RAD54B: variants seen among roughly 807,000 people sequenced by gnomAD.
The protein encoded by RAD54B is RAD54 homolog B.
Under a neutral mutation model 95.8 loss-of-function variants are expected in RAD54B, and 78 were observed. The observed-to-expected ratio is 0.81, with a 90% confidence interval of 0.68 to 0.98. RAD54B has a LOEUF of 0.98. RAD54B is among the 50% of genes least tolerant of loss of function. The pLI is 0.00. For synonymous variants in RAD54B, 328 were observed against 354.9 expected (o/e 0.92, Z 0.85); for missense variants, 957 against 1,056.6 (o/e 0.91, Z 1.31).
intron 3 of RAD54B, among the ~76,000 whole-genome samples, chr8:94,445,363 C>T (rs1812497165): frequency 6.6e-6 from 1 of 152,134 alleles, no homozygotes; most frequent in South Asian, 2.1e-4. Context: ...AACATTCAAA[C>T]CACAGCACCA....
chr8:94,403,956 A>T, intron 6 of RAD54B, 121 bp downstream of exon 6: 1 of 801,572 alleles, frequency 1.2e-6, no homozygotes, highest in Non-Finnish European at 1.8e-6. Context: ...CTTTCCTACC[A>T]ATTGAAATTC....
At chr8:94,380,081 T>C in intron 12 of RAD54B, 64 bp downstream of exon 12, 2 of 1,476,344 alleles carry the variant, frequency 1.4e-6, no homozygotes, top group Non-Finnish European at 1.8e-6. Flanking sequence ...TATCTTTGTA[T>C]CCTCAATAGG....
intron 3 of RAD54B, among the ~76,000 whole-genome samples, chr8:94,425,833 G>A (rs1011249): frequency 0.39 from 58,780 of 149,778 alleles, 11,654 homozygotes; most frequent in Admixed American, 0.5. Flanking sequence ...AAAAAAACCA[G>A]TAAACTACAA....
intron 3 of RAD54B, among the ~76,000 whole-genome samples, chr8:94,432,842 A>G (rs886242845): frequency 2.0e-5 from 3 of 152,162 alleles, no homozygotes; most frequent in African/African-American, 7.2e-5. Flanking sequence ...TCAATAATAC[A>G]TACTCACAGA....
intron 3 of RAD54B, 84 bp downstream of exon 3, chr8:94,458,179 TATAAC>T (rs1812819495): frequency 2.4e-6 from 3 of 1,249,990 alleles, no homozygotes; most frequent in East Asian, 2.6e-5. Flanking sequence ...AATTTTCTAA[TATAAC>T]ATATTCATTC....
At chr8:94,427,108 GA>G (rs1218226048) in intron 3 of RAD54B, among the ~76,000 whole-genome samples, 1 of 151,558 alleles carries the variant, frequency 6.6e-6, no homozygotes, top group Non-Finnish European at 1.5e-5. Context: ...AATGTTAGGG[GA>G]AAAAAAACTT....
chr8:94,403,467 A>C (rs2130017218), intron 6 of RAD54B, among the ~76,000 whole-genome samples: 1 of 152,218 alleles, frequency 6.6e-6, no homozygotes, highest in East Asian at 1.9e-4. Context: ...TCTTGAGGTC[A>C]AGAGTTCAAG....
At chr8:94,462,967 G>A (rs1216457406) in intron 2 of RAD54B, among the ~76,000 whole-genome samples, 1 of 152,036 alleles carries the variant, frequency 6.6e-6, no homozygotes, top group Non-Finnish European at 1.5e-5. Flanking sequence ...CCTGAGATCA[G>A]GAATTCATGA....
At position 94,456,157 on chromosome 8, in the gene RAD54B, T is replaced by C. The variant is rs1812774331; in HGVS notation, c.304+2111A>G. On this transcript the variant is annotated intron_variant, in intron 3 of 14. Coordinates refer to ENST00000336148, the MANE Select transcript of RAD54B (RefSeq NM_012415.3). ...TACCACAACCCCCAAAGAAATCACA[T>C]TCCCTAAGCTTTGGGGGAAGTCATT... Among the ~76,000 whole-genome samples, 3 of 152,136 alleles carry C rather than the reference T, an allele frequency of 2.0e-5. 1 individual carries two copies. The South Asian group carries it at 6.2e-4, about 32-fold the overall frequency.
intron 11 of RAD54B, among the ~76,000 whole-genome samples, chr8:94,384,159 AG>A (rs1810812303): frequency 1.3e-5 from 2 of 152,002 alleles, no homozygotes; most frequent in African/African-American, 2.4e-5. Flanking sequence ...TTAAAAAAAA[AG>A]AATTCAAAGC....
chr8:94,459,645 A>C (rs1029505814), intron 2 of RAD54B, among the ~76,000 whole-genome samples: 3 of 140,772 alleles, frequency 2.1e-5, no homozygotes, highest in Non-Finnish European at 4.6e-5. Context: ...GGATCACTTG[A>C]GGTCAGGAGT....
intron 11 of RAD54B, among the ~76,000 whole-genome samples, chr8:94,385,061 C>G (rs2129968515): frequency 6.6e-6 from 1 of 152,214 alleles, no homozygotes; most frequent in East Asian, 1.9e-4. Flanking sequence ...TGAGGTCACA[C>G]CACTGCACTC....
At chr8:94,437,261 T>C (rs139560803) in intron 3 of RAD54B, among the ~76,000 whole-genome samples, 9 of 152,356 alleles carry the variant, frequency 5.9e-5, no homozygotes, top group East Asian at 5.8e-4. Flanking sequence ...CTGAACTGCA[T>C]TGCAGTATCA....
At chr8:94,442,796 G>A (rs1047916399) in intron 3 of RAD54B, among the ~76,000 whole-genome samples, 1 of 152,066 alleles carries the variant, frequency 6.6e-6, no homozygotes, top group African/African-American at 2.4e-5. Flanking sequence ...ATACCAAAAG[G>A]AAAGTTAAAC....
chr8:94,412,813 T>C (rs1179712386), intron 3 of RAD54B, among the ~76,000 whole-genome samples: 1 of 152,144 alleles, frequency 6.6e-6, no homozygotes, highest in Non-Finnish European at 1.5e-5. Flanking sequence ...TGTAACTATT[T>C]ACATAGAAAT....
chr8:94,393,909 G>T, intron 8 of RAD54B, 27 bp from the exon 9 acceptor site: 1 of 1,551,614 alleles, frequency 6.4e-7, no homozygotes, highest in Non-Finnish European at 8.7e-7. Context: ...ATGAGTAAAA[G>T]GTCAAGTTTG....
chr8:94,414,218 G>A (rs902425815), intron 3 of RAD54B, among the ~76,000 whole-genome samples: 3 of 152,194 alleles, frequency 2.0e-5, no homozygotes, highest in Non-Finnish European at 4.4e-5. Context: ...AGCTTAAGGA[G>A]ATTTTGGGCT....
chr8:94,395,456 T>C (rs1355633281), intron 8 of RAD54B, among the ~76,000 whole-genome samples: 1 of 152,176 alleles, frequency 6.6e-6, no homozygotes, highest in Non-Finnish European at 1.5e-5. Context: ...CATTTGCTGC[T>C]TACCCCTAAA....
chr8:94,401,427 T>C (rs1811266546), intron 6 of RAD54B, among the ~76,000 whole-genome samples: 1 of 152,176 alleles, frequency 6.6e-6, no homozygotes, highest in South Asian at 2.1e-4. Context: ...GTAAATACAT[T>C]TTCTCTTCCT....
Sources: allele counts gnomAD v4.1 joint callset (sites outside exome capture counted in the v4.1 genomes callset), GRCh38; gene constraint gnomAD v4.1.1; transcripts MANE v1.5; gene names NCBI Gene and HGNC (gene_info 2026-07-23, HGNC 2026-07-21).